PTPRM: variants seen among roughly 807,000 people sequenced by gnomAD.
PTPRM encodes the protein protein tyrosine phosphatase receptor type M.
Under a neutral mutation model 186.7 loss-of-function variants are expected in PTPRM, and 47 were observed. The ratio of observed to expected loss-of-function variants is 0.25; its 90% CI spans 0.20 to 0.32. The LOEUF is 0.32. PTPRM is among the 10% of genes least tolerant of loss of function. The pLI is 1.00. For synonymous variants in PTPRM, 668 were observed against 674.9 expected (o/e 0.99, Z 0.16); for missense variants, 1,494 against 1,865.0 (o/e 0.80, Z 3.66).
At chr18:8,106,073 A>G (rs1312994733) in intron 11 of PTPRM, among the ~76,000 whole-genome samples, 1 of 152,120 alleles carries the variant, frequency 6.6e-6, no homozygotes, top group African/African-American at 2.4e-5. Flanking sequence ...GTGGGCGCCT[A>G]GAGGAGTCAA....
chr18:8,049,331 C>T lies in PTPRM; in HGVS notation c.1133-20355C>T, dbSNP rs2087298020. 2.6e-5 allele frequency: 4 copies of T among 152,168 alleles called. No homozygotes were observed. The South Asian group carries it at 8.3e-4, about 31-fold the overall frequency. The allele number at this position is 152,168 out of a possible 1,614,324, so 9.4% of individuals were successfully genotyped here. ...GAACAGTTCCAGTGGTGAGTGAAATCCTTGTTTATAGTGCCTGTGTGACTT... is the reference window on the plus strand; with the variant it reads ...GAACAGTTCCAGTGGTGAGTGAAATTCTTGTTTATAGTGCCTGTGTGACTT... On this transcript the variant is annotated intron_variant, in intron 7 of 32. Transcript: ENST00000580170.
At chr18:7,674,286 GA>G (rs973859637) in intron 1 of PTPRM, among the ~76,000 whole-genome samples, 1 of 152,180 alleles carries the variant, frequency 6.6e-6, no homozygotes, top group African/African-American at 2.4e-5. Context: ...AGCTGAATTT[GA>G]AAACCATCCT....
intron 1 of PTPRM, among the ~76,000 whole-genome samples, chr18:7,704,980 A>G (rs1434884909): frequency 2.0e-5 from 3 of 152,116 alleles, no homozygotes; most frequent in African/African-American, 4.8e-5. Context: ...TCACTATGTG[A>G]TATATTCTGA....
intron 1 of PTPRM, among the ~76,000 whole-genome samples, chr18:7,618,114 A>G (rs2037850787): frequency 1.3e-5 from 2 of 152,190 alleles, no homozygotes; most frequent in African/African-American, 4.8e-5. Flanking sequence ...TTCACATGCA[A>G]CTTGTTAAAT....
At chr18:7,660,645 C>T (rs2038957862) in intron 1 of PTPRM, among the ~76,000 whole-genome samples, 1 of 152,156 alleles carries the variant, frequency 6.6e-6, no homozygotes. Context: ...TTCTCTTGGG[C>T]CTTAGCAGTG....
chr18:8,272,105 C>T lies in PTPRM; in HGVS notation c.2754+18691C>T, dbSNP rs545070909. Among the ~76,000 whole-genome samples the T allele has an allele frequency of 1.6e-4, 24 of 150,970 alleles. No homozygotes were observed. The East Asian group carries it at 1.8e-3, about 11-fold the overall frequency. On this transcript the variant is annotated intron_variant, in intron 19 of 32. Coordinates refer to ENST00000580170, the MANE Select transcript of PTPRM (RefSeq NM_001105244.2). ...GTGGGCGCCTGTAATCCCAGCTACTCGGGAGAGGAGAATCGCTTGAACCTG... is the reference window on the plus strand; with the variant it reads ...GTGGGCGCCTGTAATCCCAGCTACTTGGGAGAGGAGAATCGCTTGAACCTG...
chr18:7,763,706 G>GA (rs1254715607), intron 1 of PTPRM, among the ~76,000 whole-genome samples: 1 of 152,152 alleles, frequency 6.6e-6, no homozygotes, highest in Non-Finnish European at 1.5e-5. Context: ...ATAATGTGTA[G>GA]AAAAAATGTT....
intron 1 of PTPRM, among the ~76,000 whole-genome samples, chr18:7,619,513 G>T (rs542774181): frequency 2.3e-4 from 35 of 152,134 alleles, no homozygotes; most frequent in Middle Eastern, 3.2e-3. Flanking sequence ...ATACAGGATG[G>T]TGATGATTAT....
intron 1 of PTPRM, among the ~76,000 whole-genome samples, chr18:7,763,765 G>T (rs2041892453): frequency 6.6e-6 from 1 of 152,162 alleles, no homozygotes; most frequent in African/African-American, 2.4e-5. Context: ...AATGTCTGGT[G>T]AAAATAAATA....
At chr18:7,719,222 G>A (rs943611531) in intron 1 of PTPRM, among the ~76,000 whole-genome samples, 1 of 152,182 alleles carries the variant, frequency 6.6e-6, no homozygotes, top group African/African-American at 2.4e-5. Flanking sequence ...CCATAAAATG[G>A]AATGAAATAA....
chr18:8,384,679 C>T lies in PTPRM; in HGVS notation c.4037C>T (p.Ala1346Val). ...IISRIFRIYNAARPQDGYRMV... is the reference protein window; with the variant it reads ...IISRIFRIYNVARPQDGYRMV... ...AGCAGGATATTCCGCATTTACAATG[C>T]CGCCAGAGTAAGAGACGGGCCTGTC... The change falls in exon 30 of 33, where the codon GCC (alanine) becomes GTC (valine). Residue 1346 changes from alanine to valine, a missense_variant. Ala to Val is a moderately conservative substitution (Grantham distance 64, BLOSUM62 0). This residue lies in a region of PTPRM where 1,107 missense variants were observed against 1,350.2 expected (regional missense o/e 0.82). Transcript: ENST00000580170. 2 of 1,614,108 alleles carry T rather than the reference C, an allele frequency of 1.2e-6. No individual in the cohort carries two copies. Among genetic ancestry groups the T allele is most frequent in the Non-Finnish European group, 1.7e-6 (2 of 1,179,996 alleles).
intron 14 of PTPRM, among the ~76,000 whole-genome samples, chr18:8,227,145 T>C (rs1337603769): frequency 6.6e-6 from 1 of 152,256 alleles, no homozygotes; most frequent in Non-Finnish European, 1.5e-5. Context: ...TGTCGTTACT[T>C]TTAATGGCAA....
At chr18:8,378,750 GCA>G (rs1335102167) in intron 27 of PTPRM, among the ~76,000 whole-genome samples, 1 of 152,236 alleles carries the variant, frequency 6.6e-6, no homozygotes, top group East Asian at 1.9e-4. Context: ...CATAACCATG[GCA>G]CAGTTACACC....
intron 3 of PTPRM, among the ~76,000 whole-genome samples, chr18:7,893,466 C>T (rs191880829): frequency 3.9e-5 from 6 of 152,258 alleles, no homozygotes; most frequent in African/African-American, 1.2e-4. Context: ...GACTTTAAAT[C>T]TCCACTCTCC....
chr18:7,676,667 G>GTA (rs1403042695), intron 1 of PTPRM, among the ~76,000 whole-genome samples: 101 of 127,768 alleles, frequency 7.9e-4, no homozygotes, highest in African/African-American at 2.9e-3. Flanking sequence ...GTGTGTATGT[G>GTA]TGTGTGTGTG....
At chr18:7,607,537 A>G (rs2037563605) in intron 1 of PTPRM, among the ~76,000 whole-genome samples, 1 of 152,178 alleles carries the variant, frequency 6.6e-6, no homozygotes, top group South Asian at 2.1e-4. Flanking sequence ...GTGACCTCAG[A>G]TAAATTACTT....
chr18:7,750,453 T>C (rs1317310796), intron 1 of PTPRM, among the ~76,000 whole-genome samples: 1 of 152,242 alleles, frequency 6.6e-6, no homozygotes, highest in East Asian at 1.9e-4. Flanking sequence ...CTTTTTGTTC[T>C]GGTGAATATT....
chr18:8,375,901 G>T (rs1489499137), intron 24 of PTPRM, 145 bp from the exon 25 acceptor site: 2 of 805,302 alleles, frequency 2.5e-6, no homozygotes, highest in South Asian at 1.7e-5. Context: ...GAGATCTAAG[G>T]ATGGCCTCTT....
rs2095907951 is a variant in PTPRM at position 8,406,725 on chromosome 18, G to C, written c.*563G>C. Reference sequence around the variant, plus strand: ...GTATTGTTTCCAAGGGAAAAGCTTGGGGGAGGACTCAGTTCACAAAATGCA... The same window carrying C: ...GTATTGTTTCCAAGGGAAAAGCTTGCGGGAGGACTCAGTTCACAAAATGCA... On this transcript the variant is annotated 3_prime_UTR_variant, in exon 33 of 33. Transcript: ENST00000580170. The C allele has an allele frequency of 2.0e-5, 3 of 152,374 alleles. No individual in the cohort carries two copies. In the South Asian group the frequency reaches 6.2e-4, roughly 32 times the overall value. 9.4% of individuals were successfully genotyped at this position (152,374 alleles called of 1,614,324 possible).
Sources: gnomAD v4.1 joint callset for allele counts (sites outside exome capture counted in the v4.1 genomes callset) on GRCh38, gnomAD v4.1.1 for gene constraint, gnomAD v4.1.1 regional missense constraint, MANE v1.5 for transcripts, NCBI Gene and HGNC (gene_info 2026-07-23, HGNC 2026-07-21) for gene names.